DOCK3: variants seen among roughly 807,000 people sequenced by gnomAD.
DOCK3 encodes dedicator of cytokinesis protein 3.
A neutral mutation model predicts 265.6 loss-of-function variants in DOCK3; 60 were observed. The ratio of observed to expected loss-of-function variants is 0.23; its 90% CI spans 0.18 to 0.28. The LOEUF is 0.28. DOCK3 is among the 10% of genes least tolerant of loss of function. DOCK3 has a pLI of 1.00. For synonymous variants in DOCK3, 881 were observed against 938.0 expected, an observed-to-expected ratio of 0.94 and a Z score of 1.11; for missense variants, 1,981 against 2,594.3, an observed-to-expected ratio of 0.76 and a Z score of 5.14.
intron 1 of DOCK3, among the ~76,000 whole-genome samples, chr3:50,690,928 A>G (rs1003524211): frequency 6.6e-6 from 1 of 151,668 alleles, no homozygotes; most frequent in Non-Finnish European, 1.5e-5. Flanking sequence ...TGTATGAGCC[A>G]CTGTGCCTGG....
Position 50,675,389 on chromosome 3 carries a change from C to G in DOCK3, c.37+89C>G. The G allele has an allele frequency of 9.1e-7, 1 of 1,094,300 alleles. No homozygotes were observed. The highest frequency in any genetic ancestry group is 1.1e-6 in the Non-Finnish European group (1 of 876,178). 67.8% of individuals were successfully genotyped at this position (1,094,300 alleles called of 1,614,324 possible). ...GCCTGGATTCGCATCCTCGTGCCCC[C>G]GCCACTGCCCGCAGGCTGCGCGGCC... On this transcript the variant is annotated intron_variant, in intron 1 of 52. Coordinates refer to ENST00000266037, the MANE Select transcript of DOCK3 (RefSeq NM_004947.5). This position sits in a 1 kb window ranked among gnomAD's most constrained non-coding sequence, Gnocchi z 6.1.
At chr3:51,100,348 A>G (rs190874749) in intron 9 of DOCK3, among the ~76,000 whole-genome samples, 19 of 152,358 alleles carry the variant, frequency 1.2e-4, no homozygotes, top group Admixed American at 9.8e-4. Context: ...TAGTCCTAGC[A>G]TAGTATAGAG....
Position 50,810,788 on chromosome 3 carries a change from G to A in DOCK3, c.122-30887G>A, listed in dbSNP as rs115919678. 3.4e-3 allele frequency among the ~76,000 whole-genome samples: 514 copies of A among 152,234 alleles called. 2 individuals carry two copies. The highest frequency in any genetic ancestry group is 5.6e-3 in the Non-Finnish European group (382 of 68,008). On this transcript the variant is annotated intron_variant, in intron 2 of 52. Transcript: ENST00000266037. Reference sequence around the variant, plus strand: ...GAATAAGTAACACTACAAATCTGTGGTGATAGAAACCAGAACAGTAGTTGC... The same window carrying A: ...GAATAAGTAACACTACAAATCTGTGATGATAGAAACCAGAACAGTAGTTGC...
intron 49 of DOCK3, among the ~76,000 whole-genome samples, chr3:51,363,071 G>A (rs1303569546): frequency 6.6e-6 from 1 of 152,196 alleles, no homozygotes; most frequent in East Asian, 1.9e-4. Flanking sequence ...ATTAACCCTG[G>A]AAAATGTTAT....
intron 23 of DOCK3, among the ~76,000 whole-genome samples, chr3:51,266,938 G>A (rs753142242): frequency 6.0e-4 from 92 of 152,146 alleles, no homozygotes; most frequent in Non-Finnish European, 1.1e-3. Context: ...TCTGACAAAC[G>A]GCTAATATCC....
chr3:50,811,745 C>G (rs2043771428), intron 2 of DOCK3, among the ~76,000 whole-genome samples: 1 of 151,828 alleles, frequency 6.6e-6, no homozygotes, highest in South Asian at 2.1e-4. Context: ...CACTTATCTG[C>G]ATGAATAAAA....
chr3:51,344,873 G>T (rs2085460901), intron 38 of DOCK3, among the ~76,000 whole-genome samples: 2 of 152,166 alleles, frequency 1.3e-5, no homozygotes, highest in Non-Finnish European at 2.9e-5. Context: ...TTTGGTCCTG[G>T]CTCATTCTAA....
chr3:51,183,560 C>T (rs2087423619), intron 12 of DOCK3, among the ~76,000 whole-genome samples: 1 of 152,056 alleles, frequency 6.6e-6, no homozygotes, highest in Non-Finnish European at 1.5e-5. Flanking sequence ...TTCCTTTTAC[C>T]TTTAATATTC....
At chr3:50,867,387 T>C (rs1221602038) in intron 3 of DOCK3, among the ~76,000 whole-genome samples, 1 of 152,156 alleles carries the variant, frequency 6.6e-6, no homozygotes, top group African/African-American at 2.4e-5. Flanking sequence ...TTGACTTTTT[T>C]CTTTCCAAAT....
chr3:50,718,697 A>G (rs2037279310), intron 1 of DOCK3, among the ~76,000 whole-genome samples: 1 of 150,486 alleles, frequency 6.6e-6, no homozygotes, highest in Non-Finnish European at 1.5e-5. Context: ...TCAATTATGC[A>G]TATATTAGAT....
chr3:50,969,199 T>C (rs1484382379), intron 5 of DOCK3, among the ~76,000 whole-genome samples: 4 of 152,368 alleles, frequency 2.6e-5, no homozygotes, highest in Non-Finnish European at 5.9e-5. Flanking sequence ...TAACTTCTTG[T>C]TGAATTGTTC....
intron 32 of DOCK3, among the ~76,000 whole-genome samples, chr3:51,321,424 C>T (rs1327646588): frequency 6.6e-6 from 1 of 152,154 alleles, no homozygotes; most frequent in Non-Finnish European, 1.5e-5. Context: ...CTCTTCTCCT[C>T]CAGAGGATCA....
chr3:51,313,955 G>A (rs2083229936), intron 31 of DOCK3, among the ~76,000 whole-genome samples: 1 of 152,172 alleles, frequency 6.6e-6, no homozygotes, highest in African/African-American at 2.4e-5. Context: ...CTAAACATTT[G>A]CTTCTTAGAA....
rs954315337 is a variant in DOCK3 at position 51,315,142 on chromosome 3, C to A, written c.3402+14C>A. On this transcript the variant is annotated intron_variant, in intron 32 of 52. Transcript: ENST00000266037. ...AACTTCAAACAGGTAAGACACCTGG[C>A]AGTGTTCGGGGTATTCTCTGGAATG... is the stretch of plus-strand genomic sequence containing the variant. 2 of 1,593,448 alleles carry A rather than the reference C, an allele frequency of 1.3e-6. No homozygotes were observed. Among genetic ancestry groups the A allele is most frequent in the Non-Finnish European group, 1.7e-6 (2 of 1,167,066 alleles).
chr3:51,295,381 C>G (rs2082024926), intron 27 of DOCK3, among the ~76,000 whole-genome samples: 1 of 152,202 alleles, frequency 6.6e-6, no homozygotes, highest in African/African-American at 2.4e-5. Context: ...AGAGCGAGAG[C>G]TCACTTTTCC....
At chr3:51,352,856 C>G (rs1450122721) in intron 40 of DOCK3, among the ~76,000 whole-genome samples, 1 of 152,198 alleles carries the variant, frequency 6.6e-6, no homozygotes, top group Non-Finnish European at 1.5e-5. Context: ...AACCAACAGT[C>G]AGCCTCAAGG....
chr3:51,071,186 T>G (rs985542745), intron 6 of DOCK3, among the ~76,000 whole-genome samples: 2 of 152,186 alleles, frequency 1.3e-5, no homozygotes, highest in African/African-American at 4.8e-5. Context: ...GAGAGCTCCA[T>G]CTGAAAGAAT....
At chr3:50,858,364 A>G (rs2046719659) in intron 3 of DOCK3, among the ~76,000 whole-genome samples, 1 of 151,922 alleles carries the variant, frequency 6.6e-6, no homozygotes, top group African/African-American at 2.4e-5. Flanking sequence ...CCAACACGAC[A>G]CATATATAAA....
At chr3:50,967,240 G>A (rs1253929259) in intron 5 of DOCK3, among the ~76,000 whole-genome samples, 6 of 151,866 alleles carry the variant, frequency 4.0e-5, no homozygotes, top group Non-Finnish European at 7.4e-5. Context: ...CACTTTTTTA[G>A]CTCCCACGTA....
Sources: allele counts gnomAD v4.1 joint callset (sites outside exome capture counted in the v4.1 genomes callset), GRCh38; gene constraint gnomAD v4.1.1; non-coding constraint Gnocchi (gnomAD v3.1); transcripts MANE v1.5; gene names NCBI Gene and HGNC (gene_info 2026-07-23, HGNC 2026-07-21).